Variants in PDGFC observed in about 807,000 individuals in gnomAD.
PDGFC encodes platelet-derived growth factor C.
A neutral mutation model predicts 35.5 loss-of-function variants in PDGFC; 12 were observed. The ratio of observed to expected loss-of-function variants is 0.34; its 90% confidence interval spans 0.22 to 0.55. The LOEUF is 0.55. Ranked by LOEUF, PDGFC falls within the 20% of genes least tolerant of loss-of-function variation. The pLI is 0.91. For synonymous variants in PDGFC, 159 were observed against 148.8 expected (o/e 1.07, Z -0.50); for missense variants, 322 against 412.4 (o/e 0.78, Z 1.90).
chr4:156,963,981 CAAAA>C (rs199841240), intron 1 of PDGFC, among the ~76,000 whole-genome samples: 1 of 78,440 alleles, frequency 1.3e-5, no homozygotes. Context: ...CGGTCTTGAC[CAAAA>C]AAAAAAAAAA....
chr4:156,950,966 G>A (rs1040696871), intron 1 of PDGFC, among the ~76,000 whole-genome samples: 10 of 151,730 alleles, frequency 6.6e-5, no homozygotes, highest in African/African-American at 9.7e-5. Flanking sequence ...TGATCTAGGC[G>A]CTATGGATAT....
At chr4:156,854,381 A>C (rs1579057246) in intron 1 of PDGFC, among the ~76,000 whole-genome samples, 1 of 152,300 alleles carries the variant, frequency 6.6e-6, no homozygotes. Context: ...GTTTGTGTTT[A>C]CATTTTTTCC....
chr4:156,853,877 C>T (rs542332130), intron 1 of PDGFC, among the ~76,000 whole-genome samples: 11 of 152,222 alleles, frequency 7.2e-5, no homozygotes, highest in African/African-American at 2.4e-4. Flanking sequence ...GTGGAAGGAT[C>T]GCTTAAGCCC....
At chr4:156,804,129 T>C (rs947371272) in intron 3 of PDGFC, among the ~76,000 whole-genome samples, 4 of 152,064 alleles carry the variant, frequency 2.6e-5, no homozygotes, top group African/African-American at 9.7e-5. Context: ...GCAGAGTTTC[T>C]AATCTATTCA....
chr4:156,925,817 G>A (rs1481269507), intron 1 of PDGFC, among the ~76,000 whole-genome samples: 3 of 151,216 alleles, frequency 2.0e-5, no homozygotes, highest in Non-Finnish European at 1.5e-5. Flanking sequence ...TTGGGAGGTC[G>A]AGGCGGGTAG....
intron 1 of PDGFC, among the ~76,000 whole-genome samples, chr4:156,893,082 C>T (rs1730552199): frequency 6.6e-6 from 1 of 152,100 alleles, no homozygotes; most frequent in Non-Finnish European, 1.5e-5. Context: ...TTATATTTGA[C>T]ATTGCAATAT....
intron 1 of PDGFC, among the ~76,000 whole-genome samples, chr4:156,889,605 C>T (rs1383503170): frequency 6.6e-6 from 1 of 152,136 alleles, no homozygotes; most frequent in African/African-American, 2.4e-5. Context: ...AAACTTGAAC[C>T]TTTTTGTCAT....
intron 3 of PDGFC, among the ~76,000 whole-genome samples, chr4:156,801,996 C>T (rs914026523): frequency 2.6e-5 from 4 of 152,102 alleles, no homozygotes; most frequent in Non-Finnish European, 4.4e-5. Flanking sequence ...TTAGTGAGCC[C>T]GAGACAAATA....
intron 3 of PDGFC, among the ~76,000 whole-genome samples, chr4:156,807,633 T>G: frequency 6.6e-6 from 1 of 152,126 alleles, no homozygotes; most frequent in South Asian, 2.1e-4. Context: ...CTGAAAATTT[T>G]AACTAATGTA....
At chr4:156,842,166 T>C (rs1332922474) in intron 2 of PDGFC, 3 of 152,168 alleles carry the variant, frequency 2.0e-5, no homozygotes, top group Non-Finnish European at 4.4e-5. Flanking sequence ...GTCAATAATA[T>C]TGAAATTGGT....
At chr4:156,872,354 G>A (rs1407806367) in intron 1 of PDGFC, among the ~76,000 whole-genome samples, 1 of 152,154 alleles carries the variant, frequency 6.6e-6, no homozygotes, top group Non-Finnish European at 1.5e-5. Flanking sequence ...AAAAAAAAGT[G>A]ATTAAGAATT....
intron 3 of PDGFC, among the ~76,000 whole-genome samples, chr4:156,807,801 G>A (rs371453772): frequency 6.6e-6 from 1 of 151,876 alleles, no homozygotes. Context: ...CCCATAATTT[G>A]TCCTAGAAAA....
chr4:156,933,556 T>C (rs529093416), intron 1 of PDGFC, among the ~76,000 whole-genome samples: 3 of 152,322 alleles, frequency 2.0e-5, no homozygotes, highest in African/African-American at 7.2e-5. Context: ...TTTGGTAATT[T>C]TGCTGTTTAA....
intron 2 of PDGFC, among the ~76,000 whole-genome samples, chr4:156,818,828 T>G (rs193031242): frequency 2.6e-4 from 40 of 152,254 alleles, no homozygotes; most frequent in African/African-American, 9.1e-4. Context: ...TGATTTAAAG[T>G]GAGAGACAGT....
Position 156,763,001 on chromosome 4 carries a change from A to C in PDGFC, c.*89T>G. On this transcript the variant is annotated 3_prime_UTR_variant, in exon 6 of 6. Coordinates refer to ENST00000502773, the MANE Select transcript of PDGFC (RefSeq NM_016205.3). ...AAGGTCCTTGAAGCAAACAACTGAG[A>C]TTAAGGATGGAGATAACGCATACGT... 1 of 725,846 alleles carries C rather than the reference A, an allele frequency of 1.4e-6. No individual in the cohort carries two copies. Among genetic ancestry groups the C allele is most frequent in the Non-Finnish European group, 2.6e-6 (1 of 390,482 alleles). The allele number at this position is 725,846 out of a possible 1,614,324, so 45.0% of individuals were successfully genotyped here.
intron 1 of PDGFC, among the ~76,000 whole-genome samples, chr4:156,898,809 T>TACTAC (rs1404220362): frequency 1.3e-5 from 2 of 152,092 alleles, no homozygotes; most frequent in African/African-American, 4.8e-5. Flanking sequence ...AGGTGTGCGC[T>TACTAC]ACTACACCTG....
chr4:156,947,966 A>T (rs1579119086), intron 1 of PDGFC, among the ~76,000 whole-genome samples: 2 of 151,918 alleles, frequency 1.3e-5, no homozygotes, highest in East Asian at 3.9e-4. Context: ...TCGATCTGCT[A>T]GTCTCAATAA....
At chr4:156,815,666 T>C (rs1219181269) in intron 2 of PDGFC, among the ~76,000 whole-genome samples, 2 of 152,030 alleles carry the variant, frequency 1.3e-5, no homozygotes, top group East Asian at 3.9e-4. Flanking sequence ...TATTGACACA[T>C]AAAAGTGAAA....
chr4:156,811,117 C>A (rs1731922456), intron 2 of PDGFC, 100 bp from the exon 3 acceptor site: 2 of 632,996 alleles, frequency 3.2e-6, no homozygotes, highest in South Asian at 3.9e-5. Context: ...CGGACCACAG[C>A]AGTGAGTTAA....
Sources: allele counts gnomAD v4.1 joint callset (sites outside exome capture counted in the v4.1 genomes callset), GRCh38; gene constraint gnomAD v4.1.1; transcripts MANE v1.5; gene names NCBI Gene and HGNC (gene_info 2026-07-23, HGNC 2026-07-21).